Variants in TRIM38 observed in about 807,000 individuals in gnomAD.
The protein encoded by TRIM38 is E3 ubiquitin-protein ligase TRIM38.
A neutral mutation model predicts 35.8 loss-of-function variants in TRIM38; 35 were observed. The observed-to-expected ratio is 0.98, with a 90% CI of 0.75 to 1.30. The LOEUF (loss-of-function observed/expected upper bound fraction) is 1.30. Ranked by LOEUF, TRIM38 falls within the 50% of genes most tolerant of loss-of-function variation. TRIM38 has a pLI of 0.00. For synonymous variants in TRIM38, 198 were observed against 204.7 expected (o/e 0.97, Z 0.28); for missense variants, 545 against 556.9 (o/e 0.98, Z 0.21).
intron 2 of TRIM38, among the ~76,000 whole-genome samples, chr6:25,964,119 G>T (rs1279622513): frequency 1.3e-5 from 2 of 152,000 alleles, no homozygotes; most frequent in African/African-American, 2.4e-5. Context: ...TGGAGAAAAG[G>T]CATACAAATT....
At chr6:25,982,932 T>TA (rs1760596558) in intron 7 of TRIM38, among the ~76,000 whole-genome samples, 4 of 151,892 alleles carry the variant, frequency 2.6e-5, no homozygotes, top group African/African-American at 9.7e-5. Context: ...ACAGAAAATT[T>TA]AAAAAAATTA....
Position 25,966,830 on chromosome 6 carries a change from T to C in TRIM38, c.308T>C (p.Phe103Ser), listed in dbSNP as rs768580955. Residue 103 changes from phenylalanine (F) to serine (S), a missense_variant, in exon 3 of 8, where the codon TTC becomes TCC. Physicochemically the swap from Phe to Ser is radical, Grantham distance 155. Coordinates refer to ENST00000357085, the MANE Select transcript of TRIM38 (RefSeq NM_006355.5). Reference protein sequence around the residue: ...CEEHGEQFHLFCEDEGQLICW... With the variant: ...CEEHGEQFHLSCEDEGQLICW... Reference sequence around the variant, plus strand: ...GAACACGGAGAGCAGTTCCACCTGTTCTGCGAAGACGAGGGGCAGCTCATC... The same window carrying C: ...GAACACGGAGAGCAGTTCCACCTGTCCTGCGAAGACGAGGGGCAGCTCATC... 1.2e-6 allele frequency: 2 copies of C among 1,614,190 alleles called. No homozygotes were observed. The highest frequency in any genetic ancestry group is 3.3e-5 in the Admixed American group (2 of 60,030).
rs1288147431 is a variant in TRIM38, at chr6:25,989,707, C to CA, written c.*6026dup. ...AACTTAATCTTTCACTTTTTGAAAA[C>CA]AAAAAATAGTTTTTTTCTCATAGTT... On this transcript the variant is annotated 3_prime_UTR_variant, in exon 8 of 8. Coordinates refer to ENST00000357085, the MANE Select transcript of TRIM38 (RefSeq NM_006355.5). 6.6e-6 allele frequency: 1 copy of CA among 151,456 alleles called. No individual in the cohort carries two copies. The highest frequency in any genetic ancestry group is 1.5e-5 in the Non-Finnish European group (1 of 67,854). The allele number at this position is 151,456 out of a possible 1,614,324, so 9.4% of individuals were successfully genotyped here. A position where few individuals can be genotyped will look rare whatever the true frequency, so the allele number is the denominator to read the frequency against.
chr6:25,969,323 A>T lies in TRIM38; in HGVS notation c.412-2A>T. 1 of 1,611,742 alleles carries T rather than the reference A, an allele frequency of 6.2e-7. No homozygotes were observed. Among genetic ancestry groups the T allele is most frequent in the Non-Finnish European group, 8.5e-7 (1 of 1,178,938 alleles). On this transcript the variant is annotated splice_acceptor_variant, in intron 3 of 7. Transcript: ENST00000357085. LOFTEE classifies it high-confidence loss of function. ...GCTTCACTTATCAAATTTTTCCTTC[A>T]GGAAAAGCTCCAGAAAGCTGTGACA...
chr6:25,973,110 G>A (rs191624539), intron 6 of TRIM38, 34 bp downstream of exon 6: 337 of 1,614,118 alleles, frequency 2.1e-4, no homozygotes, highest in Non-Finnish European at 2.6e-4. Flanking sequence ...GGGGAGGGGT[G>A]TGCGTATATA....
intron 7 of TRIM38, among the ~76,000 whole-genome samples, chr6:25,977,550 G>A (rs1010774246): frequency 1.3e-5 from 2 of 152,090 alleles, no homozygotes; most frequent in African/African-American, 4.8e-5. Flanking sequence ...TGCACTTGCA[G>A]TCCTAGCTAC....
rs1350099262 is a variant in TRIM38 at position 25,983,193 on chromosome 6, C to T, written c.904C>T (p.His302Tyr). The T allele has an allele frequency of 1.9e-6, 3 of 1,606,798 alleles. No homozygotes were observed. The East Asian group carries it at 6.7e-5, about 36-fold the overall frequency. ...TGTGACTCTGGATCCAGATACAGCTCATCACGAACTAATTCTCTCTGAGGA... is the reference window on the plus strand; with the variant it reads ...TGTGACTCTGGATCCAGATACAGCTTATCACGAACTAATTCTCTCTGAGGA... ...VSVTLDPDTAHHELILSEDRR... is the reference protein window; with the variant it reads ...VSVTLDPDTAYHELILSEDRR... The change falls in exon 8 of 8, where the codon CAT (histidine) becomes TAT (tyrosine). Residue 302 changes from histidine (H) to tyrosine (Y), a missense_variant. By Grantham distance (83) the His-to-Tyr change is moderately conservative (BLOSUM62 2). Coordinates refer to ENST00000357085, the MANE Select transcript of TRIM38 (RefSeq NM_006355.5).
At position 25,988,455 on chromosome 6, in the gene TRIM38, G is replaced by C. The variant is rs1245479882; in HGVS notation, c.*4768G>C. The C allele has an allele frequency of 1.6e-5, 2 of 121,756 alleles. No homozygotes were observed. Among genetic ancestry groups the C allele is most frequent in the Non-Finnish European group, 3.6e-5 (2 of 56,074 alleles). 7.5% of individuals were successfully genotyped at this position (121,756 alleles called of 1,614,324 possible). A position where few individuals can be genotyped will look rare whatever the true frequency, so the allele number is the denominator to read the frequency against. On this transcript the variant is annotated 3_prime_UTR_variant, in exon 8 of 8. Coordinates refer to ENST00000357085, the MANE Select transcript of TRIM38 (RefSeq NM_006355.5). ...TTTCCTTCATGTGTTTTCATGGCTT[G>C]ATCGTTTCTTTTCTTTTTCTTTTTC... is the stretch of plus-strand genomic sequence containing the variant.
chr6:25,972,137 T>A, intron 5 of TRIM38, 38 bp downstream of exon 5: 1 of 1,557,960 alleles, frequency 6.4e-7, no homozygotes, highest in Non-Finnish European at 8.8e-7. Context: ...AAAAGGTATG[T>A]TATAGTGCTA....
intron 5 of TRIM38, 103 bp from the exon 6 acceptor site, chr6:25,972,951 C>T: frequency 6.9e-7 from 1 of 1,458,266 alleles, no homozygotes; most frequent in East Asian, 2.3e-5. Context: ...TAGGGTAACT[C>T]TCTTTACTTC....
chr6:25,976,776 T>C (rs186019607), intron 7 of TRIM38, among the ~76,000 whole-genome samples: 21 of 152,322 alleles, frequency 1.4e-4, no homozygotes, highest in African/African-American at 5.1e-4. Context: ...TACCAGATAC[T>C]ACAGATCTTG....
Position 25,983,468 on chromosome 6 carries a change from T to C in TRIM38, c.1179T>C (p.Tyr393=), listed in dbSNP as rs1411859881. The C allele has an allele frequency of 1.3e-5, 21 of 1,614,142 alleles. No individual in the cohort carries two copies. The highest frequency in any genetic ancestry group is 1.7e-5 in the Non-Finnish European group (20 of 1,180,024). The change falls in exon 8 of 8, where the codon TAT becomes TAC. Residue 393 remains tyrosine, a synonymous_variant. Coordinates refer to ENST00000357085, the MANE Select transcript of TRIM38 (RefSeq NM_006355.5). The part of the protein sequence containing the change: ...WTLRLCKKKG[Y]VALTSPPTSL... ...TCAGGCTGTGCAAAAAGAAAGGCTATGTAGCACTTACTTCTCCCCCAACTT... is the reference window on the plus strand; with the variant it reads ...TCAGGCTGTGCAAAAAGAAAGGCTACGTAGCACTTACTTCTCCCCCAACTT...
At chr6:25,964,968 C>T (rs1759975153) in intron 2 of TRIM38, among the ~76,000 whole-genome samples, 1 of 152,106 alleles carries the variant, frequency 6.6e-6, no homozygotes, top group Admixed American at 6.6e-5. Context: ...TGCACCACCA[C>T]ATCTAGCTAA....
Position 25,983,276 on chromosome 6 carries a change from A to C in TRIM38, c.987A>C (p.Arg329Ser). ...AGAATCAGGACACATCTTCCAGGAGATTTACTGCCTTCCCCTGTGTCTTGG... is the reference window on the plus strand; with the variant it reads ...AGAATCAGGACACATCTTCCAGGAGCTTTACTGCCTTCCCCTGTGTCTTGG... ...TQENQDTSSR[R>S]FTAFPCVLGC... Residue 329 changes from arginine (R) to serine (S), a missense_variant, in exon 8 of 8, where the codon AGA becomes AGC. By Grantham distance (110) the Arg-to-Ser change is moderately radical. Coordinates refer to ENST00000357085, the MANE Select transcript of TRIM38 (RefSeq NM_006355.5). The C allele has an allele frequency of 6.2e-7, 1 of 1,614,036 alleles. No individual in the cohort carries two copies. Among genetic ancestry groups the C allele is most frequent in the African/African-American group, 1.3e-5 (1 of 74,988 alleles).
rs1415615693 is a variant in TRIM38 at position 25,971,885 on chromosome 6, A to G, written c.524A>G (p.Gln175Arg). ...ITKWKEKVQI[Q>R]RQKIRSDFKN... ...TGACTCCAGGAGAAGGTACAGATTC[A>G]GAGACAAAAAATCCGGTCTGACTTT... is the stretch of plus-strand genomic sequence containing the variant. The change falls in exon 5 of 8, where the codon CAG becomes CGG. Residue 175 changes from glutamine (Q) to arginine (R), a missense_variant. By Grantham distance (43) the Gln-to-Arg change is conservative. Transcript: ENST00000357085. The G allele has an allele frequency of 6.2e-7, 1 of 1,614,046 alleles. No homozygotes were observed. Among genetic ancestry groups the G allele is most frequent in the Non-Finnish European group, 8.5e-7 (1 of 1,179,990 alleles).
Position 25,973,204 on chromosome 6 carries a change from G to C in TRIM38, c.793G>C (p.Ala265Pro). ...GGCTGTGAAGCTGGAAACATCAGAG[G>C]CTGTCTCCTTGGAACTTCATACTAT... ...SWAVKLETSE[A>P]VSLELHTMCN... Residue 265 changes from alanine (A) to proline (P), a missense_variant, in exon 7 of 8, where the codon GCT (alanine) becomes CCT (proline). Physicochemically the swap from Ala to Pro is conservative, Grantham distance 27. Coordinates refer to ENST00000357085, the MANE Select transcript of TRIM38 (RefSeq NM_006355.5). The C allele has an allele frequency of 1.2e-6, 2 of 1,614,154 alleles. No individual in the cohort carries two copies. The highest frequency in any genetic ancestry group is 1.7e-6 in the Non-Finnish European group (2 of 1,180,020).
At chr6:25,967,723 G>C (rs1760105228) in intron 3 of TRIM38, among the ~76,000 whole-genome samples, 1 of 151,566 alleles carries the variant, frequency 6.6e-6, no homozygotes, top group Non-Finnish European at 1.5e-5. Context: ...TTTTTGTAGA[G>C]ACATGGTCTG....
At position 25,986,616 on chromosome 6, in the gene TRIM38, C is replaced by T. The variant is rs1309171957; in HGVS notation, c.*2929C>T. 1 of 149,660 alleles carries T rather than the reference C, an allele frequency of 6.7e-6. No homozygotes were observed. The highest frequency in any genetic ancestry group is 2.5e-5 in the African/African-American group (1 of 40,560). 9.3% of individuals were successfully genotyped at this position (149,660 alleles called of 1,614,324 possible). ...GGCTGATTTTTTTTTTAAGGAAAAG[C>T]AATTCATGTACCCTTGAAGATTAGA... On this transcript the variant is annotated 3_prime_UTR_variant, in exon 8 of 8. Transcript: ENST00000357085.
chr6:25,986,691 T>C lies in TRIM38; in HGVS notation c.*3004T>C, dbSNP rs901464858. ...ATGACAGTGGCTGAAACAAGTTTAT[T>C]TCTCTCCCATTTAAAGCAAGTCTAG... On this transcript the variant is annotated 3_prime_UTR_variant, in exon 8 of 8. Transcript: ENST00000357085. 1 of 152,092 alleles carries C rather than the reference T, an allele frequency of 6.6e-6. No individual in the cohort carries two copies. The highest frequency in any genetic ancestry group is 6.6e-5 in the Admixed American group (1 of 15,264). The allele number at this position is 152,092 out of a possible 1,614,324, so 9.4% of individuals were successfully genotyped here. A position where few individuals can be genotyped will look rare whatever the true frequency, so the allele number is the denominator to read the frequency against.
Sources: gnomAD v4.1 joint callset for allele counts (sites outside exome capture counted in the v4.1 genomes callset) on GRCh38, gnomAD v4.1.1 for gene constraint, MANE v1.5 for transcripts, NCBI Gene and HGNC (gene_info 2026-07-23, HGNC 2026-07-21) for gene names.